The following GIGYF2 variants were observed in gnomAD, a reference collection of about 807,000 sequenced individuals.
The protein encoded by GIGYF2 is GRB10-interacting GYF protein 2.
A neutral mutation model predicts 208.1 loss-of-function variants in GIGYF2; 25 were observed. That is an observed-to-expected ratio of 0.12 (90% CI 0.09 to 0.17). The LOEUF is 0.17. GIGYF2 is among the 10% of genes least tolerant of loss of function. GIGYF2 has a pLI of 1.00. For synonymous variants in GIGYF2, 534 were observed against 543.8 expected (o/e 0.98, Z 0.25); for missense variants, 1,302 against 1,579.4 (o/e 0.82, Z 2.98).
intron 8 of GIGYF2, among the ~76,000 whole-genome samples, chr2:232,778,875 G>C (rs545143048): frequency 1.3e-5 from 2 of 152,152 alleles, no homozygotes; most frequent in African/African-American, 4.8e-5. Flanking sequence ...GAGGAAGAAC[G>C]CTACTAGACC....
chr2:232,811,099 T>C, intron 16 of GIGYF2, 145 bp from the exon 17 acceptor site: 2 of 630,946 alleles, frequency 3.2e-6, no homozygotes, highest in African/African-American at 3.7e-5. Context: ...TCTATTATCA[T>C]AATGAAGAAT....
At chr2:232,854,631 C>T (rs1389315481) in intron 28 of GIGYF2, among the ~76,000 whole-genome samples, 1 of 152,004 alleles carries the variant, frequency 6.6e-6, no homozygotes, top group Admixed American at 6.6e-5. Flanking sequence ...CTAGCCTCTC[C>T]CTATATTTGG....
intron 2 of GIGYF2, among the ~76,000 whole-genome samples, chr2:232,710,213 C>G (rs993159354): frequency 3.9e-5 from 6 of 152,036 alleles, no homozygotes; most frequent in African/African-American, 1.2e-4. Flanking sequence ...TCTGTCTCGG[C>G]CTCCCAAAGT....
chr2:232,833,253 A>C, intron 22 of GIGYF2, 160 bp downstream of exon 22: 1 of 301,608 alleles, frequency 3.3e-6, no homozygotes, highest in Non-Finnish European at 5.7e-6. Flanking sequence ...TCTCACTCCC[A>C]TCACCCAGGC....
chr2:232,839,606 T>C (rs1339365773), intron 22 of GIGYF2, among the ~76,000 whole-genome samples: 1 of 152,224 alleles, frequency 6.6e-6, no homozygotes, highest in Non-Finnish European at 1.5e-5. Flanking sequence ...AGATGAAATG[T>C]AAGTGTGTAT....
Position 232,771,005 on chromosome 2 carries a change from T to C in GIGYF2, c.532+9569T>C, listed in dbSNP as rs946261593. On this transcript the variant is annotated intron_variant, in intron 8 of 28. Transcript: ENST00000373563. ...CTGGGGAACATGGTACCATAACCAATTGTGAGTTGTGTCTCCAGGGAGAAG... is the reference window on the plus strand; with the variant it reads ...CTGGGGAACATGGTACCATAACCAACTGTGAGTTGTGTCTCCAGGGAGAAG... 6.2e-7 allele frequency: 1 copy of C among 1,613,890 alleles called. No homozygotes were observed. Among genetic ancestry groups the C allele is most frequent in the African/African-American group, 1.3e-5 (1 of 74,876 alleles).
intron 8 of GIGYF2, among the ~76,000 whole-genome samples, chr2:232,784,545 C>T (rs867733407): frequency 2.0e-5 from 3 of 151,224 alleles, no homozygotes; most frequent in Admixed American, 6.6e-5. Context: ...CGCCCGCCAC[C>T]GCGCCCGGCT....
intron 21 of GIGYF2, among the ~76,000 whole-genome samples, chr2:232,830,071 C>T (rs1386173735): frequency 6.6e-6 from 1 of 152,150 alleles, no homozygotes; most frequent in Non-Finnish European, 1.5e-5. Flanking sequence ...CCTTGAACTC[C>T]AGGGGCTCAA....
At chr2:232,834,258 A>G (rs941117572) in intron 22 of GIGYF2, among the ~76,000 whole-genome samples, 4 of 152,148 alleles carry the variant, frequency 2.6e-5, no homozygotes, top group African/African-American at 9.7e-5. Flanking sequence ...TATGGTGAGT[A>G]TAGTGGGAGA....
chr2:232,766,197 C>T (rs909054333), intron 8 of GIGYF2, among the ~76,000 whole-genome samples: 2 of 152,138 alleles, frequency 1.3e-5, no homozygotes, highest in African/African-American at 2.4e-5. Flanking sequence ...TTTTGGATCA[C>T]GTTTCTTATA....
chr2:232,755,336 A>G (rs1698493284), intron 5 of GIGYF2, among the ~76,000 whole-genome samples: 1 of 151,880 alleles, frequency 6.6e-6, no homozygotes, highest in Non-Finnish European at 1.5e-5. Flanking sequence ...GCGCCCGGCT[A>G]ATTTTTGTAT....
At chr2:232,836,407 T>TATATAA (rs1553537420) in intron 22 of GIGYF2, among the ~76,000 whole-genome samples, 1 of 129,996 alleles carries the variant, frequency 7.7e-6, no homozygotes, top group Non-Finnish European at 1.6e-5. Context: ...TAAATATATA[T>TATATAA]ATAAATAAAT....
At chr2:232,811,438 A>C in intron 17 of GIGYF2, 87 bp downstream of exon 17, 1 of 820,864 alleles carries the variant, frequency 1.2e-6, no homozygotes, top group Non-Finnish European at 2.1e-6. Flanking sequence ...ATAGTGTGTG[A>C]TTTCTGGCAC....
intron 8 of GIGYF2, chr2:232,776,368 C>T (rs1365178869): frequency 9.7e-7 from 1 of 1,029,568 alleles, no homozygotes. Context: ...TAATCTAGCT[C>T]TGTTGCTATT....
At chr2:232,727,294 TAACTC>T (rs1427661189) in intron 2 of GIGYF2, among the ~76,000 whole-genome samples, 1 of 152,198 alleles carries the variant, frequency 6.6e-6, no homozygotes, top group African/African-American at 2.4e-5. Context: ...AACTGCAACT[TAACTC>T]TATATCTGTT....
chr2:232,709,474 C>G (rs1259893464), intron 2 of GIGYF2, among the ~76,000 whole-genome samples: 1 of 152,090 alleles, frequency 6.6e-6, no homozygotes, highest in Non-Finnish European at 1.5e-5. Flanking sequence ...TACGCGCGGC[C>G]CATCACACCA....
intron 28 of GIGYF2, among the ~76,000 whole-genome samples, chr2:232,854,613 T>C (rs571830793): frequency 6.6e-6 from 1 of 152,304 alleles, no homozygotes; most frequent in South Asian, 2.1e-4. Flanking sequence ...AGGATGGGGT[T>C]TGGAATCCTA....
intron 13 of GIGYF2, among the ~76,000 whole-genome samples, chr2:232,795,678 G>A (rs570617809): frequency 1.3e-4 from 20 of 152,150 alleles, no homozygotes; most frequent in South Asian, 2.1e-4. Flanking sequence ...TAGGAGGATC[G>A]CTTGAACCCA....
intron 28 of GIGYF2, among the ~76,000 whole-genome samples, chr2:232,855,314 C>G (rs1690522409): frequency 6.6e-6 from 1 of 152,188 alleles, no homozygotes; most frequent in Non-Finnish European, 1.5e-5. Context: ...TCTCTAACTC[C>G]TGGCCTCAAG....
Sources: gnomAD v4.1 joint callset for allele counts (sites outside exome capture counted in the v4.1 genomes callset) on GRCh38, gnomAD v4.1.1 for gene constraint, MANE v1.5 for transcripts, NCBI Gene and HGNC (gene_info 2026-07-23, HGNC 2026-07-21) for gene names.